CSMD3: variants seen among roughly 807,000 people sequenced by gnomAD.
CSMD3 encodes CUB and sushi domain-containing protein 3.
In CSMD3, 177 loss-of-function variants were observed where a neutral mutation model predicts 435.2. The ratio of observed to expected loss-of-function variants is 0.41; its 90% CI spans 0.36 to 0.46. The LOEUF is 0.46. CSMD3 is among the 20% of genes least tolerant of loss of function. CSMD3 has a pLI of 0.34. For synonymous variants in CSMD3, 1,656 were observed against 1,520.5 expected (o/e 1.09, Z -2.07); for missense variants, 4,265 against 4,504.6 (o/e 0.95, Z 1.52).
intron 13 of CSMD3, among the ~76,000 whole-genome samples, chr8:112,795,238 A>C (rs553642632): frequency 4.6e-5 from 7 of 152,276 alleles, no homozygotes; most frequent in African/African-American, 1.7e-4. Flanking sequence ...AACTGTTAGC[A>C]AATTGATCCC....
intron 3 of CSMD3, among the ~76,000 whole-genome samples, chr8:113,198,619 T>C (rs1258309601): frequency 2.0e-5 from 3 of 151,396 alleles, no homozygotes; most frequent in Non-Finnish European, 4.4e-5. Context: ...AAGTCCATAA[T>C]TACATTTTAA....
At chr8:113,360,642 C>T (rs1224446479) in intron 1 of CSMD3, among the ~76,000 whole-genome samples, 1 of 139,862 alleles carries the variant, frequency 7.1e-6, no homozygotes, top group African/African-American at 2.7e-5. Context: ...GGCGAGATCT[C>T]GGCTCACTGC....
At chr8:112,771,421 T>A (rs1354921354) in intron 13 of CSMD3, among the ~76,000 whole-genome samples, 4 of 151,794 alleles carry the variant, frequency 2.6e-5, no homozygotes, top group African/African-American at 4.8e-5. Context: ...TACCTGTAAT[T>A]CCAGCTACTT....
At chr8:113,198,836 A>G (rs1180322179) in intron 3 of CSMD3, among the ~76,000 whole-genome samples, 1 of 151,198 alleles carries the variant, frequency 6.6e-6, no homozygotes, top group Non-Finnish European at 1.5e-5. Context: ...TTTCATTTGG[A>G]AAATGTGCGG....
intron 18 of CSMD3, among the ~76,000 whole-genome samples, chr8:112,654,127 T>A (rs2075200747): frequency 6.6e-6 from 1 of 152,198 alleles, no homozygotes; most frequent in Non-Finnish European, 1.5e-5. Context: ...GAAGACAAAT[T>A]ACTTTCACTT....
chr8:113,257,468 A>C (rs763299088), intron 3 of CSMD3, among the ~76,000 whole-genome samples: 1 of 152,138 alleles, frequency 6.6e-6, no homozygotes, highest in Non-Finnish European at 1.5e-5. Context: ...ATACCTGAAC[A>C]CATGAAGTTT....
chr8:113,083,204 G>T (rs1465647096), intron 5 of CSMD3, among the ~76,000 whole-genome samples: 1 of 151,946 alleles, frequency 6.6e-6, no homozygotes, highest in Non-Finnish European at 1.5e-5. Flanking sequence ...TATTGAAACT[G>T]CCAAAATCAA....
intron 41 of CSMD3, among the ~76,000 whole-genome samples, chr8:112,342,537 T>A (rs1825221599): frequency 6.6e-6 from 1 of 152,156 alleles, no homozygotes; most frequent in African/African-American, 2.4e-5. Flanking sequence ...GATTTATATA[T>A]GCTAACTTAT....
In CSMD3 at chr8:112,319,991, T is replaced by C; in HGVS notation, c.7166-10A>G. ...ACCCTTAGTTGATAGGCTACAAAAA[T>C]AAACAAAGTGTTTATTCCTTTTCTG... On this transcript the variant is annotated splice_polypyrimidine_tract_variant and intron_variant, in intron 45 of 70. Coordinates refer to ENST00000297405, the MANE Select transcript of CSMD3 (RefSeq NM_198123.2). 1 of 1,591,604 alleles carries C rather than the reference T, an allele frequency of 6.3e-7. No homozygotes were observed. The highest frequency in any genetic ancestry group is 8.6e-7 in the Non-Finnish European group (1 of 1,159,800).
intron 3 of CSMD3, among the ~76,000 whole-genome samples, chr8:113,212,624 A>G (rs1355968696): frequency 6.6e-6 from 1 of 152,118 alleles, no homozygotes; most frequent in Non-Finnish European, 1.5e-5. Flanking sequence ...CATTCTCAGC[A>G]AACTATCACA....
At chr8:113,293,189 T>A (rs2093697601) in intron 2 of CSMD3, among the ~76,000 whole-genome samples, 1 of 150,778 alleles carries the variant, frequency 6.6e-6, no homozygotes, top group Admixed American at 6.7e-5. Flanking sequence ...TATCTTCAGA[T>A]AACCTCTTAC....
intron 17 of CSMD3, among the ~76,000 whole-genome samples, chr8:112,663,864 C>T (rs997749240): frequency 1.2e-4 from 18 of 152,116 alleles, no homozygotes; most frequent in African/African-American, 4.1e-4. Flanking sequence ...GAGAGTGCAG[C>T]AGCCTCAGTG....
intron 23 of CSMD3, among the ~76,000 whole-genome samples, chr8:112,585,947 G>C (rs931494603): frequency 2.6e-4 from 39 of 151,558 alleles, no homozygotes; most frequent in Admixed American, 2.6e-3. Flanking sequence ...CTAGAGGTGG[G>C]AGAGTTTTAC....
intron 32 of CSMD3, among the ~76,000 whole-genome samples, chr8:112,459,993 C>T (rs1474436788): frequency 2.0e-5 from 3 of 152,106 alleles, no homozygotes; most frequent in African/African-American, 2.4e-5. Flanking sequence ...GTTTCTGTCA[C>T]GGTTATCCCC....
intron 4 of CSMD3, among the ~76,000 whole-genome samples, chr8:113,106,155 C>A (rs2090468876): frequency 6.6e-6 from 1 of 151,392 alleles, no homozygotes; most frequent in African/African-American, 2.4e-5. Flanking sequence ...GAACCAAAAT[C>A]AAAGATGAAT....
intron 3 of CSMD3, among the ~76,000 whole-genome samples, chr8:113,265,234 T>C (rs2093459866): frequency 6.6e-6 from 1 of 151,498 alleles, no homozygotes. Context: ...AAGGCCTGCA[T>C]AATGTCTGGA....
At chr8:112,433,464 TG>T (rs751978110) in intron 32 of CSMD3, among the ~76,000 whole-genome samples, 38 of 151,454 alleles carry the variant, frequency 2.5e-4, no homozygotes, top group Non-Finnish European at 4.9e-4. Flanking sequence ...AAGACCAGCC[TG>T]GGCAACATAG....
intron 23 of CSMD3, among the ~76,000 whole-genome samples, chr8:112,579,714 G>C (rs1019104882): frequency 4.0e-5 from 6 of 151,848 alleles, no homozygotes; most frequent in Admixed American, 6.6e-5. Flanking sequence ...ACATAGATAG[G>C]AAAGAAACTT....
intron 17 of CSMD3, among the ~76,000 whole-genome samples, chr8:112,665,072 T>A (rs1415416943): frequency 6.6e-6 from 1 of 152,152 alleles, no homozygotes; most frequent in Non-Finnish European, 1.5e-5. Context: ...TATAATCTTG[T>A]AATAAATAGC....
Sources: allele counts gnomAD v4.1 joint callset (sites outside exome capture counted in the v4.1 genomes callset), GRCh38; gene constraint gnomAD v4.1.1; transcripts MANE v1.5; gene names NCBI Gene and HGNC (gene_info 2026-07-23, HGNC 2026-07-21).